Variants in CFAP299 observed in about 807,000 individuals in gnomAD.
The protein encoded by CFAP299 is cilia and flagella associated protein 299.
In CFAP299, 21 loss-of-function variants were observed where a neutral mutation model predicts 27.0. The observed-to-expected ratio is 0.78, with a 90% CI of 0.55 to 1.12. The LOEUF is 1.12. Ranked by LOEUF, CFAP299 falls within the 50% of genes most tolerant of loss-of-function variation. The pLI, the probability that CFAP299 is intolerant of heterozygous loss-of-function variation, is 0.00. For synonymous variants in CFAP299, 104 were observed against 98.1 expected (o/e 1.06, Z -0.36); for missense variants, 310 against 276.6 (o/e 1.12, Z -0.86).
rs1728555658 is a variant in CFAP299, at chr4:80,445,106, G to A, written c.242+82222G>A. Reference sequence around the variant, plus strand: ...GTAAATTAGTTCAACCATTGTTGAAGACAGTGTGGCGATTCCTCAAGGGTC... The same window carrying A: ...GTAAATTAGTTCAACCATTGTTGAAAACAGTGTGGCGATTCCTCAAGGGTC... On this transcript the variant is annotated intron_variant, in intron 2 of 5. Coordinates refer to ENST00000358105, the MANE Select transcript of CFAP299 (RefSeq NM_152770.3). Among the ~76,000 whole-genome samples the A allele has an allele frequency of 2.0e-5, 3 of 152,176 alleles. No homozygotes were observed. The South Asian group carries it at 6.2e-4, about 32-fold the overall frequency.
At chr4:80,536,701 C>T (rs1409839948) in intron 2 of CFAP299, among the ~76,000 whole-genome samples, 2 of 152,132 alleles carry the variant, frequency 1.3e-5, no homozygotes. Context: ...CATCATGTAA[C>T]AAAAATCAAC....
At chr4:80,387,206 C>G in intron 2 of CFAP299, 1 of 1,389,900 alleles carries the variant, frequency 7.2e-7, no homozygotes, top group South Asian at 1.2e-5. Context: ...CTGGTGCACG[C>G]TCAGGTCGTA....
intron 3 of CFAP299, chr4:80,608,182 A>G (rs1410506183): frequency 1.5e-5 from 8 of 529,530 alleles, no homozygotes. Context: ...TTTTTTTACC[A>G]TTCACAAGTG....
chr4:80,735,338 T>C (rs1723791103), intron 3 of CFAP299, among the ~76,000 whole-genome samples: 1 of 152,108 alleles, frequency 6.6e-6, no homozygotes, highest in Non-Finnish European at 1.5e-5. Flanking sequence ...GTTTTTTTGG[T>C]GGAGTCTTTA....
chr4:80,864,720 C>T (rs560237114), intron 3 of CFAP299, among the ~76,000 whole-genome samples: 1 of 151,608 alleles, frequency 6.6e-6, no homozygotes, highest in African/African-American at 2.4e-5. Flanking sequence ...TTTCCATATC[C>T]CCTAAGGAAT....
At chr4:80,963,214 G>A (rs542766017) in intron 5 of CFAP299, among the ~76,000 whole-genome samples, 20 of 152,044 alleles carry the variant, frequency 1.3e-4, no homozygotes, top group African/African-American at 4.6e-4. Flanking sequence ...AAAGCCTTTC[G>A]CTAGGAATTC....
At chr4:80,493,819 A>G (rs1269516296) in intron 2 of CFAP299, among the ~76,000 whole-genome samples, 6 of 119,638 alleles carry the variant, frequency 5.0e-5, no homozygotes, top group Non-Finnish European at 1.6e-5. Context: ...CCCAGGCCAG[A>G]CTGCGGACTG....
rs1725053897 is a variant in CFAP299, at chr4:80,753,468, G to T, written c.334-116525G>T. Among the ~76,000 whole-genome samples, 3 of 151,866 alleles carry T rather than the reference G, an allele frequency of 2.0e-5. No individual in the cohort carries two copies. In the South Asian group the frequency reaches 6.2e-4, roughly 31 times the overall value. On this transcript the variant is annotated intron_variant, in intron 3 of 5. Transcript: ENST00000358105. The stretch of plus-strand genomic sequence containing the variant: ...AGTTTGTATATGATATTGGTTTTTT[G>T]TTTGTTTTGTTTTAATCTGTCATGA...
chr4:80,733,268 G>A (rs1433150286), intron 3 of CFAP299, among the ~76,000 whole-genome samples: 1 of 151,998 alleles, frequency 6.6e-6, no homozygotes, highest in Non-Finnish European at 1.5e-5. Context: ...CTTAATGTAG[G>A]ACACTAAACA....
At chr4:80,820,787 T>C (rs1261041991) in intron 3 of CFAP299, among the ~76,000 whole-genome samples, 1 of 152,194 alleles carries the variant, frequency 6.6e-6, no homozygotes. Flanking sequence ...AGTGTTGCAA[T>C]TAATGCTTAT....
intron 3 of CFAP299, among the ~76,000 whole-genome samples, chr4:80,671,240 A>G (rs995689544): frequency 2.0e-5 from 3 of 152,162 alleles, no homozygotes; most frequent in African/African-American, 7.2e-5. Context: ...CATTTATTAA[A>G]TAGGGAATCC....
chr4:80,515,222 A>T (rs1732520777), intron 2 of CFAP299, among the ~76,000 whole-genome samples: 1 of 152,156 alleles, frequency 6.6e-6, no homozygotes, highest in South Asian at 2.1e-4. Context: ...TATGCAAGCA[A>T]CTGCTTGAGG....
At chr4:80,908,883 A>AAC (rs1265334905) in intron 4 of CFAP299, among the ~76,000 whole-genome samples, 1 of 151,788 alleles carries the variant, frequency 6.6e-6, no homozygotes, top group Non-Finnish European at 1.5e-5. Context: ...ATACATGTTA[A>AAC]ACACACACAC....
chr4:80,668,704 G>A (rs1467111034), intron 3 of CFAP299, among the ~76,000 whole-genome samples: 1 of 152,066 alleles, frequency 6.6e-6, no homozygotes, highest in Non-Finnish European at 1.5e-5. Flanking sequence ...GGTTATTATA[G>A]CTTTGTAGAA....
chr4:80,515,202 T>G (rs1393676901), intron 2 of CFAP299, among the ~76,000 whole-genome samples: 2 of 152,158 alleles, frequency 1.3e-5, no homozygotes, highest in African/African-American at 4.8e-5. Context: ...TTGAACAAGA[T>G]TTCTGGAATT....
At chr4:80,897,205 T>C (rs1734649924) in intron 4 of CFAP299, among the ~76,000 whole-genome samples, 1 of 152,180 alleles carries the variant, frequency 6.6e-6, no homozygotes, top group African/African-American at 2.4e-5. Context: ...AAGTTCTTTA[T>C]AGGGTATTCC....
chr4:80,800,836 C>T (rs965601353), intron 3 of CFAP299, among the ~76,000 whole-genome samples: 6 of 141,010 alleles, frequency 4.3e-5, no homozygotes, highest in African/African-American at 1.4e-4. Flanking sequence ...TCACAAGGTC[C>T]CACAATAGGC....
intron 3 of CFAP299, among the ~76,000 whole-genome samples, chr4:80,817,024 A>G (rs1293112677): frequency 6.6e-6 from 1 of 152,162 alleles, no homozygotes; most frequent in Non-Finnish European, 1.5e-5. Flanking sequence ...ACTCTCTGCT[A>G]CAAGAAGTTG....
At chr4:80,612,404 A>T (rs1326953963) in intron 3 of CFAP299, among the ~76,000 whole-genome samples, 1 of 152,102 alleles carries the variant, frequency 6.6e-6, no homozygotes, top group African/African-American at 2.4e-5. Flanking sequence ...TTATCATTAG[A>T]GTTTTTTTCT....
Sources: gnomAD v4.1 joint callset for allele counts (sites outside exome capture counted in the v4.1 genomes callset) on GRCh38, gnomAD v4.1.1 for gene constraint, MANE v1.5 for transcripts, NCBI Gene and HGNC (gene_info 2026-07-23, HGNC 2026-07-21) for gene names.